The following ADAM12 variants were observed in gnomAD, a reference collection of about 807,000 sequenced individuals.
The protein encoded by ADAM12 is ADAM metallopeptidase domain 12.
In ADAM12, 70 loss-of-function variants were observed where a neutral mutation model predicts 106.4. The ratio of observed to expected loss-of-function variants is 0.66; its 90% CI spans 0.54 to 0.80. ADAM12 has a LOEUF of 0.80. Among genes scored for constraint, ADAM12 ranks in the 30% least tolerant of loss-of-function variants. ADAM12 has a pLI of 0.00. For synonymous variants in ADAM12, 420 were observed against 433.5 expected, an observed-to-expected ratio of 0.97 and a Z score of 0.39; for missense variants, 1,010 against 1,171.9, an observed-to-expected ratio of 0.86 and a Z score of 2.02.
At chr10:126,109,393 C>T (rs1474167114) in intron 7 of ADAM12, among the ~76,000 whole-genome samples, 1 of 152,190 alleles carries the variant, frequency 6.6e-6, no homozygotes, top group East Asian at 1.9e-4. Context: ...TTCATACCTT[C>T]ATTTATTCAT....
chr10:126,215,945 T>C lies in ADAM12; in HGVS notation c.261-60640A>G, dbSNP rs1000274805. 3.3e-5 allele frequency among the ~76,000 whole-genome samples: 5 copies of C among 152,152 alleles called. 1 individual carries two copies. The highest frequency in any genetic ancestry group is 2.6e-4 in the Admixed American group (4 of 15,286). Reference sequence around the variant, plus strand: ...CTGGCTAAAGGCTTTATGCTTGCATTCCTTGAAGACATCTGTATTATTGTC... The same window carrying C: ...CTGGCTAAAGGCTTTATGCTTGCATCCCTTGAAGACATCTGTATTATTGTC... On this transcript the variant is annotated intron_variant, in intron 3 of 22. Coordinates refer to ENST00000448723, the MANE Select transcript of ADAM12 (RefSeq NM_001288973.2).
intron 3 of ADAM12, among the ~76,000 whole-genome samples, chr10:126,198,765 T>A (rs1460718299): frequency 2.0e-5 from 3 of 152,224 alleles, no homozygotes; most frequent in Non-Finnish European, 4.4e-5. Context: ...ATATGCTCTT[T>A]CCATTTTATT....
At chr10:126,118,353 G>A (rs932888945) in intron 5 of ADAM12, 129 bp from the exon 6 acceptor site, 1 of 682,624 alleles carries the variant, frequency 1.5e-6, no homozygotes, top group African/African-American at 1.8e-5. Context: ...CTCAGATTTT[G>A]ATTGGAAAGG....
At chr10:126,186,670 C>G (rs1008188279) in intron 3 of ADAM12, among the ~76,000 whole-genome samples, 3 of 151,714 alleles carry the variant, frequency 2.0e-5, no homozygotes, top group African/African-American at 7.3e-5. Flanking sequence ...TCTGGACCAG[C>G]AGACAACAGG....
chr10:126,189,275 C>G (rs1158876513), intron 3 of ADAM12, among the ~76,000 whole-genome samples: 1 of 152,126 alleles, frequency 6.6e-6, no homozygotes, highest in Admixed American at 6.5e-5. Flanking sequence ...GAAACCAAAG[C>G]AGGAAAGAGC....
intron 4 of ADAM12, among the ~76,000 whole-genome samples, chr10:126,147,676 C>T (rs923470409): frequency 2.6e-5 from 4 of 152,234 alleles, no homozygotes; most frequent in Admixed American, 2.6e-4. Flanking sequence ...CCCATAAAGC[C>T]TTCCATGATC....
intron 12 of ADAM12, chr10:126,070,721 G>C (rs972488556): frequency 1.3e-5 from 2 of 152,092 alleles, no homozygotes; most frequent in African/African-American, 4.8e-5. Context: ...CTGTACAACT[G>C]CTTGCTTTGA....
At chr10:126,354,720 G>A (rs1020202457) in intron 1 of ADAM12, among the ~76,000 whole-genome samples, 1 of 151,872 alleles carries the variant, frequency 6.6e-6, no homozygotes, top group African/African-American at 2.4e-5. Context: ...ACTTTAGGGG[G>A]AAAGAAATTT....
At chr10:126,343,113 G>A (rs1419108378) in intron 1 of ADAM12, among the ~76,000 whole-genome samples, 2 of 151,956 alleles carry the variant, frequency 1.3e-5, no homozygotes, top group Non-Finnish European at 2.9e-5. Flanking sequence ...CCATGTTGGT[G>A]TGCTGCACCC....
In ADAM12 at chr10:126,127,249, G is replaced by A. The variant is rs113997686; in HGVS notation, c.416+8335C>T. On this transcript the variant is annotated intron_variant, in intron 5 of 22. Coordinates refer to ENST00000448723, the MANE Select transcript of ADAM12 (RefSeq NM_001288973.2). ...ACACCTGGCCAGAGGTTGGAGGAGA[G>A]CCAGGTGGGCTAGTCAGACAGGTGC... 3.3e-3 allele frequency among the ~76,000 whole-genome samples: 504 copies of A among 152,330 alleles called. 4 individuals are homozygous for A. Among genetic ancestry groups the A allele is most frequent in the African/African-American group, 0.012 (492 of 41,580 alleles).
At chr10:126,189,348 A>T (rs1957455941) in intron 3 of ADAM12, among the ~76,000 whole-genome samples, 1 of 152,064 alleles carries the variant, frequency 6.6e-6, no homozygotes, top group Non-Finnish European at 1.5e-5. Context: ...TACGGTGGGG[A>T]GTGTAGGAAG....
chr10:126,180,445 G>A (rs1424955195), intron 3 of ADAM12, among the ~76,000 whole-genome samples: 2 of 152,074 alleles, frequency 1.3e-5, no homozygotes, highest in Non-Finnish European at 2.9e-5. Flanking sequence ...TCTGTACGTG[G>A]GTGGCATGTA....
chr10:126,178,763 C>A (rs1427309112), intron 3 of ADAM12, among the ~76,000 whole-genome samples: 1 of 152,090 alleles, frequency 6.6e-6, no homozygotes, highest in African/African-American at 2.4e-5. Flanking sequence ...TCCACTCAAG[C>A]AGGCCGGGCG....
chr10:126,320,548 T>C (rs998209672), intron 2 of ADAM12, among the ~76,000 whole-genome samples: 1 of 152,210 alleles, frequency 6.6e-6, no homozygotes, highest in African/African-American at 2.4e-5. Flanking sequence ...TATTGAGTGA[T>C]TATTAAGGAA....
At chr10:126,363,359 T>C (rs1855803014) in intron 1 of ADAM12, among the ~76,000 whole-genome samples, 1 of 152,174 alleles carries the variant, frequency 6.6e-6, no homozygotes, top group African/African-American at 2.4e-5. Context: ...TATTTTCATA[T>C]AATTTTTACT....
chr10:126,118,672 T>C (rs926465476), intron 5 of ADAM12, among the ~76,000 whole-genome samples: 6 of 152,218 alleles, frequency 3.9e-5, no homozygotes, highest in African/African-American at 1.4e-4. Context: ...GGATAAATTG[T>C]GTAATGGTGA....
chr10:126,346,760 C>T (rs1855155867), intron 1 of ADAM12, among the ~76,000 whole-genome samples: 3 of 152,026 alleles, frequency 2.0e-5, no homozygotes, highest in Admixed American at 2.0e-4. Context: ...TGAATTGATC[C>T]CTTTACCATT....
intron 1 of ADAM12, among the ~76,000 whole-genome samples, chr10:126,355,225 A>C (rs1000602220): frequency 3.9e-5 from 6 of 152,252 alleles, no homozygotes; most frequent in Non-Finnish European, 8.8e-5. Context: ...AAATAAAACC[A>C]GAAATGACTA....
At chr10:126,339,847 C>CT (rs146232567) in intron 1 of ADAM12, among the ~76,000 whole-genome samples, 8,879 of 75,704 alleles carry the variant, frequency 0.12, 1,052 homozygotes, top group East Asian at 0.33. Flanking sequence ...CATTCTAGGG[C>CT]TTTTTTTTTT....
Sources: allele counts gnomAD v4.1 joint callset (sites outside exome capture counted in the v4.1 genomes callset), GRCh38; gene constraint gnomAD v4.1.1; transcripts MANE v1.5; gene names NCBI Gene and HGNC (gene_info 2026-07-23, HGNC 2026-07-21).